PDE1C: variants seen among roughly 807,000 people sequenced by gnomAD.
The protein encoded by PDE1C is dual specificity calcium/calmodulin-dependent 3',5'-cyclic nucleotide phosphodiesterase 1C.
A neutral mutation model predicts 93.1 loss-of-function variants in PDE1C; 62 were observed. That is an observed-to-expected ratio of 0.67 (90% CI 0.54 to 0.82). PDE1C has a LOEUF of 0.82. PDE1C is among the 40% of genes least tolerant of loss of function. The probability of loss-of-function intolerance (pLI) is 0.00; values close to 1 mark genes in which losing one functional copy is unlikely to be tolerated. For missense variants in PDE1C, 742 were observed against 884.6 expected, an observed-to-expected ratio of 0.84 and a Z score of 2.04; for synonymous variants, 325 against 310.1, an observed-to-expected ratio of 1.05 and a Z score of -0.50.
At chr7:32,099,702 C>T (rs1293090673) in intron 3 of PDE1C, among the ~76,000 whole-genome samples, 1 of 152,226 alleles carries the variant, frequency 6.6e-6, no homozygotes, top group Non-Finnish European at 1.5e-5. Flanking sequence ...TCCCATCACT[C>T]TTACGTTTCC....
intron 1 of PDE1C, among the ~76,000 whole-genome samples, chr7:32,218,232 C>T (rs747514211): frequency 3.2e-4 from 48 of 152,240 alleles, no homozygotes; most frequent in Admixed American, 1.9e-3. Context: ...TTTCCCACTT[C>T]TTTATTCAGA....
At chr7:32,014,298 G>A (rs1441430081) in intron 2 of PDE1C, among the ~76,000 whole-genome samples, 3 of 39,862 alleles carry the variant, frequency 7.5e-5, no homozygotes, top group East Asian at 1.3e-3. Flanking sequence ...AAGCTATAAC[G>A]TCAAAAAAAA....
At chr7:32,339,256 A>G (rs1311292882) in intron 1 of PDE1C, among the ~76,000 whole-genome samples, 1 of 152,244 alleles carries the variant, frequency 6.6e-6, no homozygotes, top group South Asian at 2.1e-4. Flanking sequence ...AAAAAATTTA[A>G]AAGTCATAAT....
rs561178378 is a variant in PDE1C at position 32,032,107 on chromosome 7, C to G, written c.128+19447G>C. On this transcript the variant is annotated intron_variant, in intron 2 of 17. Coordinates refer to ENST00000396191, the MANE Select transcript of PDE1C (RefSeq NM_001191057.4). ...ACTACAATAAAGTCAAAAGAGTAGA[C>G]ATACTTCCTCATAAGTTGATCATGG... 1.3e-4 allele frequency among the ~76,000 whole-genome samples: 20 copies of G among 152,242 alleles called. No homozygotes were observed. The South Asian group carries it at 4.1e-3, about 32-fold the overall frequency.
chr7:32,292,269 T>A lies in PDE1C; in HGVS notation c.85+6382A>T, dbSNP rs202127142. 3.3e-5 allele frequency among the ~76,000 whole-genome samples: 5 copies of A among 152,308 alleles called. No homozygotes were observed. The East Asian group carries it at 9.6e-4, about 29-fold the overall frequency. On this transcript the variant is annotated intron_variant, in intron 1 of 18. Transcript: ENST00000396193. ...TTAAGTTTTCTTAACTTTTTTATTA[T>A]TTGTTGAGGTAAGAACACTTAACAT...
At chr7:32,120,494 C>A (rs1466464708) in intron 3 of PDE1C, among the ~76,000 whole-genome samples, 1 of 152,108 alleles carries the variant, frequency 6.6e-6, no homozygotes, top group Non-Finnish European at 1.5e-5. Context: ...AGGTTGGTAC[C>A]CCACGAGGTC....
At chr7:32,184,365 T>A (rs555568117) in intron 2 of PDE1C, among the ~76,000 whole-genome samples, 1 of 152,086 alleles carries the variant, frequency 6.6e-6, no homozygotes, top group East Asian at 1.9e-4. Context: ...GTTTATTGCA[T>A]CACTATTCAC....
intron 1 of PDE1C, among the ~76,000 whole-genome samples, chr7:32,224,839 G>A (rs1807135303): frequency 6.6e-6 from 1 of 151,888 alleles, no homozygotes; most frequent in African/African-American, 2.4e-5. Flanking sequence ...TTGGAAAATG[G>A]ATAAAATTGC....
chr7:32,292,601 A>G (rs934188290), intron 1 of PDE1C, among the ~76,000 whole-genome samples: 5 of 152,170 alleles, frequency 3.3e-5, no homozygotes, highest in African/African-American at 4.8e-5. Context: ...GAGTCTTAAC[A>G]TTAGCCATGA....
the PDE1C span, among the ~76,000 whole-genome samples, chr7:31,711,467 T>A: frequency 6.6e-6 from 1 of 152,298 alleles, no homozygotes; most frequent in African/African-American, 2.4e-5. Context: ...CTCTGAACTC[T>A]TAGCCTAGTG....
chr7:32,204,842 C>T (rs971881293), intron 2 of PDE1C, among the ~76,000 whole-genome samples: 20 of 152,224 alleles, frequency 1.3e-4, no homozygotes, highest in African/African-American at 4.1e-4. Context: ...GCTCCTCCTA[C>T]CAATTGCTAG....
intron 1 of PDE1C, among the ~76,000 whole-genome samples, chr7:32,297,727 G>A (rs1349399): frequency 0.16 from 24,406 of 152,048 alleles, 2,247 homozygotes; most frequent in East Asian, 0.39. Flanking sequence ...AGGAGCCACT[G>A]GGAGTCCCAA....
chr7:32,337,516 A>G (rs74347997), intron 1 of PDE1C, among the ~76,000 whole-genome samples: 3,725 of 152,308 alleles, frequency 0.024, 147 homozygotes, highest in African/African-American at 0.085. Context: ...GGAGATGGGG[A>G]AACTTACAAG....
At chr7:32,348,655 G>A (rs1009924380) in intron 1 of PDE1C, among the ~76,000 whole-genome samples, 13 of 151,974 alleles carry the variant, frequency 8.6e-5, no homozygotes, top group African/African-American at 2.7e-4. Context: ...GAGCCACCAC[G>A]CCCAGCCACA....
intron 7 of PDE1C, among the ~76,000 whole-genome samples, chr7:31,860,650 G>A (rs1056431329): frequency 6.6e-6 from 1 of 152,008 alleles, no homozygotes; most frequent in South Asian, 2.1e-4. Context: ...TTCTCCAAAT[G>A]CTTACTTCAT....
In PDE1C at chr7:31,915,149, G is replaced by A. The variant is rs149694319; in HGVS notation, c.129-34289C>T. Among the ~76,000 whole-genome samples the A allele has an allele frequency of 1.5e-3, 231 of 152,196 alleles. 1 individual carries two copies. The highest frequency in any genetic ancestry group is 3.4e-3 in the Middle Eastern group (1 of 294). Reference sequence around the variant, plus strand: ...TTTAAGGTACTTTAAGTATCTAATCGCAAGTAAGCCTTACTGCTGTCCACT... The same window carrying A: ...TTTAAGGTACTTTAAGTATCTAATCACAAGTAAGCCTTACTGCTGTCCACT... On this transcript the variant is annotated intron_variant, in intron 2 of 17. Transcript: ENST00000396191.
intron 2 of PDE1C, among the ~76,000 whole-genome samples, chr7:31,967,417 T>A (rs763425257): frequency 1.3e-5 from 2 of 151,914 alleles, no homozygotes; most frequent in Non-Finnish European, 2.9e-5. Flanking sequence ...CAGGAAGAAG[T>A]TGAATCTCTG....
chr7:32,074,558 C>A (rs1266480442), upstream of PDE1C, among the ~76,000 whole-genome samples: 2 of 152,146 alleles, frequency 1.3e-5, no homozygotes, highest in Admixed American at 1.3e-4. Flanking sequence ...GTTCTCTTGC[C>A]TTTGCTATAC....
intron 3 of PDE1C, among the ~76,000 whole-genome samples, chr7:32,154,998 G>T (rs566607302): frequency 6.6e-5 from 10 of 152,372 alleles, no homozygotes; most frequent in African/African-American, 1.9e-4. Context: ...AGCCAGTGCT[G>T]CAGTGAGAGT....
Sources: allele counts gnomAD v4.1 joint callset (sites outside exome capture counted in the v4.1 genomes callset), GRCh38; gene constraint gnomAD v4.1.1; transcripts MANE v1.5; gene names NCBI Gene and HGNC (gene_info 2026-07-23, HGNC 2026-07-21).